CNOT7: variants seen among roughly 807,000 people sequenced by gnomAD.
CNOT7 encodes the protein CCR4-NOT transcription complex subunit 7, also known as BTG1-binding factor 1.
In CNOT7, 4 loss-of-function variants were observed where a neutral mutation model predicts 37.1. That is an observed-to-expected ratio of 0.11 (90% CI 0.05 to 0.25). The LOEUF is 0.25. Ranked by LOEUF, CNOT7 falls within the 10% of genes least tolerant of loss-of-function variation. The probability of loss-of-function intolerance (pLI) is 1.00; values close to 1 mark genes in which losing one functional copy is unlikely to be tolerated. For missense variants in CNOT7, 170 were observed against 336.2 expected, an observed-to-expected ratio of 0.51 and a Z score of 3.87; for synonymous variants, 128 against 115.6, an observed-to-expected ratio of 1.11 and a Z score of -0.69.
intron 1 of CNOT7, among the ~76,000 whole-genome samples, chr8:17,245,484 C>G (rs1350646342): frequency 1.3e-5 from 2 of 152,168 alleles, no homozygotes. Flanking sequence ...TTTACACATA[C>G]ATACTAATCA....
chr8:17,231,721 A>C, intron 6 of CNOT7: 1 of 985,416 alleles, frequency 1.0e-6, no homozygotes, highest in Non-Finnish European at 1.2e-6. Flanking sequence ...GTATCTGTGC[A>C]CATCACTTAA....
chr8:17,243,059 T>G lies in CNOT7; in HGVS notation c.244A>C (p.Met82Leu), dbSNP rs757339677. 1 of 1,609,472 alleles carries G rather than the reference T, an allele frequency of 6.2e-7. No individual in the cohort carries two copies. Among genetic ancestry groups the G allele is most frequent in the Admixed American group, 1.7e-5 (1 of 58,878 alleles). Residue 82 changes from methionine to leucine, a missense_variant, in exon 3 of 7, where the codon ATG becomes CTG. This residue lies in a region of CNOT7 where 20 missense variants were observed against 18.5 expected (regional missense o/e 1.08). Coordinates refer to ENST00000361272, the MANE Select transcript of CNOT7 (RefSeq NM_013354.7). Reference protein sequence around the residue: ...LKIIQLGLTFMNEQGEYPPGT... With the variant: ...LKIIQLGLTFLNEQGEYPPGT... ...GGAGGGTATTCTCCTTGCTCATTCA[T>G]AAATGTCAGTCCTAGCTGAATTATC...
At position 17,225,550 on chromosome 8, in the gene CNOT7, G is replaced by A. The variant is rs1380221631; in HGVS notation, c.*5170C>T. The A allele has an allele frequency of 6.6e-6, 1 of 151,692 alleles. No individual in the cohort carries two copies. The highest frequency in any genetic ancestry group is 1.5e-5 in the Non-Finnish European group (1 of 67,692). The allele number at this position is 151,692 out of a possible 1,614,324, so 9.4% of individuals were successfully genotyped here. A position where few individuals can be genotyped will look rare whatever the true frequency, so the allele number is the denominator to read the frequency against. On this transcript the variant is annotated 3_prime_UTR_variant, in exon 7 of 7. Coordinates refer to ENST00000361272, the MANE Select transcript of CNOT7 (RefSeq NM_013354.7). ...AACGTTAAATGTAACTAATGCTGTA[G>A]AAAACTGTTTAAAACAAATGGAAAT...
At chr8:17,244,837 C>T in intron 2 of CNOT7, 199 bp downstream of exon 2, 4 of 513,434 alleles carry the variant, frequency 7.8e-6, no homozygotes, top group Non-Finnish European at 1.4e-5. Context: ...TTTTCCCTCA[C>T]TGCAATGAGG....
Position 17,230,674 on chromosome 8 carries a change from C to G in CNOT7, c.*46G>C. 6.5e-7 allele frequency: 1 copy of G among 1,543,030 alleles called. No individual in the cohort carries two copies. The highest frequency in any genetic ancestry group is 8.7e-7 in the Non-Finnish European group (1 of 1,143,122). The stretch of plus-strand genomic sequence containing the variant: ...TTCAACCAGAGATAAAACCTATATA[C>G]AAGCATGTGTGTAGCTCGAAATAAA... On this transcript the variant is annotated 3_prime_UTR_variant, in exon 7 of 7. Transcript: ENST00000361272.
Position 17,227,783 on chromosome 8 carries a change from C to G in CNOT7, c.*2937G>C, listed in dbSNP as rs1330563284. 2 of 151,822 alleles carry G rather than the reference C, an allele frequency of 1.3e-5. No individual in the cohort carries two copies. The highest frequency in any genetic ancestry group is 2.4e-5 in the African/African-American group (1 of 41,418). The allele number at this position is 151,822 out of a possible 1,614,324, so 9.4% of individuals were successfully genotyped here. On this transcript the variant is annotated 3_prime_UTR_variant, in exon 7 of 7. Transcript: ENST00000361272. ...ATGTACCAGCATATAATAAAATAGT[C>G]CATATTCCAATGTGCCTTGAAAGTG...
intron 4 of CNOT7, among the ~76,000 whole-genome samples, chr8:17,236,186 TG>T (rs1312538644): frequency 2.6e-5 from 4 of 152,192 alleles, no homozygotes; most frequent in Non-Finnish European, 5.9e-5. Context: ...ACATCAAAGT[TG>T]CCCACATGAA....
intron 6 of CNOT7, chr8:17,232,213 T>C: frequency 7.2e-7 from 1 of 1,384,222 alleles, no homozygotes; most frequent in South Asian, 1.6e-5. Flanking sequence ...AAATTGTTGG[T>C]TCTATGATGA....
Position 17,233,050 on chromosome 8 carries a change from T to C in CNOT7, c.619-513A>G, listed in dbSNP as rs145178369. On this transcript the variant is annotated intron_variant, in intron 5 of 6. Coordinates refer to ENST00000361272, the MANE Select transcript of CNOT7 (RefSeq NM_013354.7). ...GGTTTTCTTAGTTAAGACGAGTATATGCACACAACTCCTTAGAGTGGTCTG... is the reference window on the plus strand; with the variant it reads ...GGTTTTCTTAGTTAAGACGAGTATACGCACACAACTCCTTAGAGTGGTCTG... 7.2e-5 allele frequency among the ~76,000 whole-genome samples: 11 copies of C among 152,308 alleles called. No homozygotes were observed. In the East Asian group the frequency reaches 2.1e-3, roughly 29 times the overall value.
rs1458697316 is a variant in CNOT7, at chr8:17,229,158, G to T, written c.*1562C>A. On this transcript the variant is annotated 3_prime_UTR_variant, in exon 7 of 7. Transcript: ENST00000361272. ...GAAGGAAGTTACTGAATTCTGTTGA[G>T]TTGCCCAAATAAAAATGAACAATAT... 3 of 151,850 alleles carry T rather than the reference G, an allele frequency of 2.0e-5. No homozygotes were observed. Among genetic ancestry groups the T allele is most frequent in the Non-Finnish European group, 4.4e-5 (3 of 67,834 alleles). The allele number at this position is 151,850 out of a possible 1,614,324, so 9.4% of individuals were successfully genotyped here. A position where few individuals can be genotyped will look rare whatever the true frequency, so the allele number is the denominator to read the frequency against.
At chr8:17,240,326 T>A (rs1176510157) in intron 3 of CNOT7, among the ~76,000 whole-genome samples, 1 of 151,914 alleles carries the variant, frequency 6.6e-6, no homozygotes, top group Non-Finnish European at 1.5e-5. Flanking sequence ...AATACAAATT[T>A]GTCAACTTTC....
intron 1 of CNOT7, chr8:17,246,057 G>C (rs1355892483): frequency 6.6e-6 from 1 of 151,954 alleles, no homozygotes; most frequent in South Asian, 2.1e-4. Flanking sequence ...AACTAAAGGA[G>C]ATCCAGGACA....
Position 17,227,809 on chromosome 8 carries a change from T to TAAC in CNOT7, c.*2908_*2910dup, listed in dbSNP as rs1447353463. On this transcript the variant is annotated 3_prime_UTR_variant, in exon 7 of 7. Coordinates refer to ENST00000361272, the MANE Select transcript of CNOT7 (RefSeq NM_013354.7). Reference sequence around the variant, plus strand: ...CATATTCCAATGTGCCTTGAAAGTGTAACATTCAAAGGTACTTTTCTTGTT... The same window carrying TAAC: ...CATATTCCAATGTGCCTTGAAAGTGTAACAACATTCAAAGGTACTTTTCTTGTT... 1.3e-5 allele frequency: 2 copies of TAAC among 151,894 alleles called. No homozygotes were observed. Among genetic ancestry groups the TAAC allele is most frequent in the Non-Finnish European group, 2.9e-5 (2 of 67,814 alleles). The allele number at this position is 151,894 out of a possible 1,614,324, so 9.4% of individuals were successfully genotyped here.
Position 17,232,542 on chromosome 8 carries a change from A to G in CNOT7, c.619-5T>C, listed in dbSNP as rs1443807140. 2 of 1,604,438 alleles carry G rather than the reference A, an allele frequency of 1.2e-6. No individual in the cohort carries two copies. Among genetic ancestry groups the G allele is most frequent in the African/African-American group, 1.3e-5 (1 of 74,268 alleles). On this transcript the variant is annotated splice_polypyrimidine_tract_variant and splice_region_variant and intron_variant, in intron 5 of 6. Transcript: ENST00000361272. ...TGCCACCTCCTGTAATCCACCCTAG[A>G]AAAAATAAAAAATTGCTTGTCAAGA...
At position 17,229,989 on chromosome 8, in the gene CNOT7, G is replaced by C. The variant is rs1808424813; in HGVS notation, c.*731C>G. On this transcript the variant is annotated 3_prime_UTR_variant, in exon 7 of 7. Coordinates refer to ENST00000361272, the MANE Select transcript of CNOT7 (RefSeq NM_013354.7). ...AATCACAAGGGATTTTTCCTGAAGG[G>C]TGTAAAGCTGGTTTGAAAATTCTTC... 6.6e-6 allele frequency: 1 copy of C among 152,346 alleles called. No homozygotes were observed. The highest frequency in any genetic ancestry group is 6.6e-5 in the Admixed American group (1 of 15,238). 9.4% of individuals were successfully genotyped at this position (152,346 alleles called of 1,614,324 possible). A position where few individuals can be genotyped will look rare whatever the true frequency, so the allele number is the denominator to read the frequency against.
intron 3 of CNOT7, among the ~76,000 whole-genome samples, chr8:17,238,478 G>A (rs1809682040): frequency 4.6e-5 from 7 of 150,554 alleles, no homozygotes; most frequent in Admixed American, 6.6e-5. Context: ...CCTTTAGGAA[G>A]GGTAACAGAA....
At chr8:17,243,222 A>G in intron 2 of CNOT7, 37 bp from the exon 3 acceptor site, 1 of 1,484,014 alleles carries the variant, frequency 6.7e-7, no homozygotes, top group Non-Finnish European at 9.1e-7. Context: ...TGTACTAAAC[A>G]GTCAAAACTA....
chr8:17,231,858 C>T, intron 6 of CNOT7: 5 of 985,836 alleles, frequency 5.1e-6, no homozygotes, highest in Non-Finnish European at 6.0e-6. Context: ...TCTGATGCAA[C>T]TACTACGTTG....
chr8:17,239,121 C>T (rs1019039407), intron 3 of CNOT7, among the ~76,000 whole-genome samples: 4 of 152,196 alleles, frequency 2.6e-5, no homozygotes, highest in African/African-American at 4.8e-5. Context: ...GGCTTGAACA[C>T]GGCTCACTGT....
Sources: gnomAD v4.1 joint callset for allele counts (sites outside exome capture counted in the v4.1 genomes callset) on GRCh38, gnomAD v4.1.1 for gene constraint, gnomAD v4.1.1 regional missense constraint, MANE v1.5 for transcripts, NCBI Gene and HGNC (gene_info 2026-07-23, HGNC 2026-07-21) for gene names.